PRDM16: variants seen among roughly 807,000 people sequenced by gnomAD.
The protein encoded by PRDM16 is PR/SET domain 16.
In PRDM16, 23 loss-of-function variants were observed where a neutral mutation model predicts 110.6. The observed-to-expected ratio is 0.21, with a 90% CI of 0.15 to 0.29. PRDM16 has a LOEUF of 0.29. PRDM16 is among the 10% of genes least tolerant of loss of function. PRDM16 has a pLI of 1.00. For missense variants in PRDM16, 1,615 were observed against 1,794.3 expected (o/e 0.90, Z 1.81); for synonymous variants, 799 against 781.8 (o/e 1.02, Z -0.37).
At chr1:3,406,283 C>T (rs1221847866) in intron 8 of PRDM16, among the ~76,000 whole-genome samples, 2 of 152,080 alleles carry the variant, frequency 1.3e-5, no homozygotes, top group Admixed American at 1.3e-4. Flanking sequence ...AGGCTGGCAG[C>T]CTGGTGTGGG....
chr1:3,378,407 C>T (rs552185244), intron 3 of PRDM16, among the ~76,000 whole-genome samples: 2 of 152,246 alleles, frequency 1.3e-5, no homozygotes, highest in East Asian at 3.9e-4. Flanking sequence ...TTCCAGAGGA[C>T]GTGAAATCTT....
Position 3,095,408 on chromosome 1 carries a change from G to T in PRDM16, c.37+26112G>T, listed in dbSNP as rs1642373596. On this transcript the variant is annotated intron_variant, in intron 1 of 16. Coordinates refer to ENST00000270722, the MANE Select transcript of PRDM16 (RefSeq NM_022114.4). ...GGCTCAGACCTACCCTCATGGGTCAGATGGACAGTGGTATCCCCCTCCTGG... is the reference window on the plus strand; with the variant it reads ...GGCTCAGACCTACCCTCATGGGTCATATGGACAGTGGTATCCCCCTCCTGG... Among the ~76,000 whole-genome samples the T allele has an allele frequency of 2.0e-5, 3 of 152,162 alleles. No homozygotes were observed. The South Asian group carries it at 6.2e-4, about 31-fold the overall frequency.
At position 3,115,425 on chromosome 1, in the gene PRDM16, A is replaced by G. The variant is rs189043821; in HGVS notation, c.37+46129A>G. On this transcript the variant is annotated intron_variant, in intron 1 of 16. Coordinates refer to ENST00000270722, the MANE Select transcript of PRDM16 (RefSeq NM_022114.4). Reference sequence around the variant, plus strand: ...CAGCGGGACGGGGAGATGACAAATGATGGGATTGTGTCAGCTTGAGAGAGA... The same window carrying G: ...CAGCGGGACGGGGAGATGACAAATGGTGGGATTGTGTCAGCTTGAGAGAGA... Among the ~76,000 whole-genome samples, 3 of 152,306 alleles carry G rather than the reference A, an allele frequency of 2.0e-5. 1 individual carries two copies. The highest frequency in any genetic ancestry group is 3.9e-4 in the East Asian group (2 of 5,180).
chr1:3,122,521 G>A (rs1643116194), intron 1 of PRDM16, among the ~76,000 whole-genome samples: 1 of 152,222 alleles, frequency 6.6e-6, no homozygotes, highest in South Asian at 2.1e-4. Context: ...CCACCTGGGG[G>A]CTGCGAGTGG....
chr1:3,200,778 G>A (rs1638603561), intron 2 of PRDM16, among the ~76,000 whole-genome samples: 1 of 152,178 alleles, frequency 6.6e-6, no homozygotes, highest in Admixed American at 6.5e-5. Flanking sequence ...ACAGGGCTTG[G>A]GGGTCATGGG....
rs915642638 is a variant in PRDM16, at chr1:3,341,566, C to T, written c.439-43586C>T. 2.2e-4 allele frequency among the ~76,000 whole-genome samples: 34 copies of T among 152,346 alleles called. 1 individual carries two copies. Among genetic ancestry groups the T allele is most frequent in the African/African-American group, 6.5e-4 (27 of 41,576 alleles). ...CAGGATGTCAGAACACACACACACA[C>T]GCGTGCGCACACACACAGAGGGTCC... On this transcript the variant is annotated intron_variant, in intron 3 of 16. Transcript: ENST00000270722.
chr1:3,193,292 C>T (rs753232538), intron 2 of PRDM16, among the ~76,000 whole-genome samples: 4 of 152,242 alleles, frequency 2.6e-5, no homozygotes, highest in East Asian at 1.9e-4. Context: ...GGCTCCTGCC[C>T]GGCCCCCCAA....
intron 3 of PRDM16, among the ~76,000 whole-genome samples, chr1:3,328,659 G>A (rs1397110271): frequency 6.6e-6 from 1 of 152,164 alleles, no homozygotes; most frequent in Non-Finnish European, 1.5e-5. Context: ...TTCGGGCCAG[G>A]AGTCTGTTTT....
Position 3,157,441 on chromosome 1 carries a change from A to C in PRDM16, c.38-28684A>C, listed in dbSNP as rs957425155. The stretch of plus-strand genomic sequence containing the variant: ...TCCCATTAAAAAAAAAAAAAAAAAA[A>C]ACACCTTTGTGGGGGCTGGGGGTTG... On this transcript the variant is annotated intron_variant, in intron 1 of 16. Coordinates refer to ENST00000270722, the MANE Select transcript of PRDM16 (RefSeq NM_022114.4). This position sits in a 1 kb window ranked among gnomAD's most constrained non-coding sequence, Gnocchi z 4.8. Among the ~76,000 whole-genome samples, 1 of 146,520 alleles carries C rather than the reference A, an allele frequency of 6.8e-6. No homozygotes were observed. The highest frequency in any genetic ancestry group is 6.8e-5 in the Admixed American group (1 of 14,682).
At chr1:3,109,083 A>AAATAATAATAATAATAATAATAAT (rs61356047) in intron 1 of PRDM16, among the ~76,000 whole-genome samples, 1 of 145,370 alleles carries the variant, frequency 6.9e-6, no homozygotes, top group African/African-American at 2.5e-5. Flanking sequence ...CTCCATCTCA[A>AAATAATAATAATAATAATAATAAT]AATAATAATA....
chr1:3,092,025 C>T lies in PRDM16; in HGVS notation c.37+22729C>T, dbSNP rs188508505. ...CTTCATGGGGAGGGGACGCAGGTCC[C>T]CATGTAGAGGATAAGATGGAGCCAG... On this transcript the variant is annotated intron_variant, in intron 1 of 16. Transcript: ENST00000270722. 2.8e-4 allele frequency among the ~76,000 whole-genome samples: 43 copies of T among 152,348 alleles called. 1 individual carries two copies. Among genetic ancestry groups the T allele is most frequent in the African/African-American group, 9.6e-4 (40 of 41,580 alleles).
rs61759198 is a variant in PRDM16, at chr1:3,364,698, C to T, written c.439-20454C>T. The stretch of plus-strand genomic sequence containing the variant: ...TGACTTCCTCCCCCACTCAGCTGCG[C>T]GGGGGACAGGCGGGCCTTATGGAAA... On this transcript the variant is annotated intron_variant, in intron 3 of 16. Coordinates refer to ENST00000270722, the MANE Select transcript of PRDM16 (RefSeq NM_022114.4). Among the ~76,000 whole-genome samples the T allele has an allele frequency of 3.8e-3, 582 of 152,340 alleles. 4 individuals carry two copies. Among genetic ancestry groups the T allele is most frequent in the Non-Finnish European group, 5.4e-3 (367 of 68,034 alleles).
At chr1:3,141,010 G>A (rs1643540681) in intron 1 of PRDM16, among the ~76,000 whole-genome samples, 1 of 152,174 alleles carries the variant, frequency 6.6e-6, no homozygotes, top group African/African-American at 2.4e-5. Flanking sequence ...CCATGTCCCT[G>A]GGTTTTATCA....
intron 2 of PRDM16, among the ~76,000 whole-genome samples, chr1:3,186,956 C>T (rs1457099061): frequency 6.6e-6 from 1 of 152,254 alleles, no homozygotes; most frequent in Non-Finnish European, 1.5e-5. Context: ...TAAGAGCAGC[C>T]TCAGCTTCTC....
intron 1 of PRDM16, among the ~76,000 whole-genome samples, chr1:3,183,744 CAG>C (rs1644236313): frequency 6.6e-6 from 1 of 152,208 alleles, no homozygotes; most frequent in Admixed American, 6.5e-5. Flanking sequence ...AGAATTCAAA[CAG>C]AAAAAAGCCA....
chr1:3,431,100 C>T lies in PRDM16; in HGVS notation c.3513C>T (p.His1171=), dbSNP rs1638754301. The T allele has an allele frequency of 1.9e-6, 3 of 1,550,608 alleles. No homozygotes were observed. The African/African-American group carries it at 4.1e-5, about 21-fold the overall frequency. ...CCTCCCTGGCCGTGGGCTTTGACCA[C>T]ACCCGAAGGTGGGGGCAGCCGTGTG... The part of the protein sequence containing the change: ...PAASLAVGFD[H]TRRCAEDHEG... The change falls in exon 15 of 17, where the codon CAC becomes CAT. Residue 1171 remains histidine, a synonymous_variant. Transcript: ENST00000270722.
At chr1:3,211,516 A>G (rs1205806967) in intron 2 of PRDM16, among the ~76,000 whole-genome samples, 1 of 152,242 alleles carries the variant, frequency 6.6e-6, no homozygotes, top group Non-Finnish European at 1.5e-5. Context: ...CGGGGGCTGC[A>G]GCAGATTCGT....
At chr1:3,429,615 G>A (rs1202635272) in intron 14 of PRDM16, among the ~76,000 whole-genome samples, 2 of 152,214 alleles carry the variant, frequency 1.3e-5, no homozygotes, top group African/African-American at 2.4e-5. Context: ...CAACAACCAG[G>A]GTGAGAACCA....
chr1:3,376,632 T>A (rs1340532439), intron 3 of PRDM16, among the ~76,000 whole-genome samples: 1 of 152,140 alleles, frequency 6.6e-6, no homozygotes, highest in Non-Finnish European at 1.5e-5. Context: ...TCTCTGCGAG[T>A]TTAGGAGAGA....
Sources: allele counts gnomAD v4.1 joint callset (sites outside exome capture counted in the v4.1 genomes callset), GRCh38; gene constraint gnomAD v4.1.1; non-coding constraint Gnocchi (gnomAD v3.1); transcripts MANE v1.5; gene names NCBI Gene and HGNC (gene_info 2026-07-23, HGNC 2026-07-21).